PRDM16: variants seen among roughly 807,000 people sequenced by gnomAD.
The protein encoded by PRDM16 is PR/SET domain 16, also known as histone-lysine N-methyltransferase PRDM16.
In PRDM16, 23 loss-of-function variants were observed where a neutral mutation model predicts 110.6. The ratio of observed to expected loss-of-function variants is 0.21; its 90% CI spans 0.15 to 0.29. The LOEUF (loss-of-function observed/expected upper bound fraction) is 0.29. PRDM16 is among the 10% of genes least tolerant of loss of function. PRDM16 has a pLI of 1.00. For missense variants in PRDM16, 1,615 were observed against 1,794.3 expected, an observed-to-expected ratio of 0.90 and a Z score of 1.81; for synonymous variants, 799 against 781.8, an observed-to-expected ratio of 1.02 and a Z score of -0.37.
intron 1 of PRDM16, among the ~76,000 whole-genome samples, chr1:3,076,116 C>T (rs1033137818): frequency 9.8e-5 from 15 of 152,322 alleles, no homozygotes; most frequent in African/African-American, 1.7e-4. Context: ...ACCAGCCCCG[C>T]GCTCCTCTCA....
chr1:3,110,625 C>T (rs958395441), intron 1 of PRDM16, among the ~76,000 whole-genome samples: 8 of 152,224 alleles, frequency 5.3e-5, no homozygotes, highest in African/African-American at 1.9e-4. Flanking sequence ...TTGGACCTAA[C>T]GTGGGTGTTT....
chr1:3,112,572 A>G (rs1355953474), intron 1 of PRDM16, among the ~76,000 whole-genome samples: 2 of 152,022 alleles, frequency 1.3e-5, no homozygotes, highest in South Asian at 4.2e-4. Flanking sequence ...TGCTGCCCTG[A>G]CTCCAGCAGC....
intron 1 of PRDM16, among the ~76,000 whole-genome samples, chr1:3,151,026 C>G (rs929644891): frequency 6.6e-6 from 1 of 151,480 alleles, no homozygotes; most frequent in Admixed American, 6.6e-5. Context: ...GGGGCTGGTC[C>G]TAGAGCTATG....
At chr1:3,284,831 C>A (rs574890107) in intron 3 of PRDM16, among the ~76,000 whole-genome samples, 1 of 152,212 alleles carries the variant, frequency 6.6e-6, no homozygotes, top group African/African-American at 2.4e-5. Context: ...CAGGCCAGGG[C>A]AGAGCAGAGA....
chr1:3,183,337 C>T (rs561648979), intron 1 of PRDM16, among the ~76,000 whole-genome samples: 10 of 152,346 alleles, frequency 6.6e-5, no homozygotes, highest in East Asian at 1.9e-4. Context: ...CCGGTTGTTC[C>T]GGGGACCCCA....
chr1:3,180,921 TAC>T (rs1244646093), intron 1 of PRDM16, among the ~76,000 whole-genome samples: 5 of 146,840 alleles, frequency 3.4e-5, no homozygotes, highest in African/African-American at 1.0e-4. Flanking sequence ...CACGCAGCCT[TAC>T]ACACGCAGCC....
chr1:3,142,938 C>G (rs1339039763), intron 1 of PRDM16, among the ~76,000 whole-genome samples: 1 of 152,178 alleles, frequency 6.6e-6, no homozygotes, highest in Non-Finnish European at 1.5e-5. Flanking sequence ...GCCCCCTGGC[C>G]GGGGCACCCA....
rs1372064269 is a variant in PRDM16, at chr1:3,290,709, CGTG to C, written c.438+46573_438+46575del. On this transcript the variant is annotated intron_variant, in intron 3 of 16. Coordinates refer to ENST00000270722, the MANE Select transcript of PRDM16 (RefSeq NM_022114.4). The surrounding 1 kb of genome is among the most constrained non-coding windows in gnomAD (Gnocchi z 4.8). The stretch of plus-strand genomic sequence containing the variant: ...GGGAAACAACAGGGCTCCAGGGGGA[CGTG>C]CAGGGAGTGGAAGAAACTCAAGCCG... Among the ~76,000 whole-genome samples, 1 of 152,026 alleles carries C rather than the reference CGTG, an allele frequency of 6.6e-6. No homozygotes were observed. The highest frequency in any genetic ancestry group is 1.5e-5 in the Non-Finnish European group (1 of 68,014).
chr1:3,403,808 G>A (rs1432933467), intron 6 of PRDM16, among the ~76,000 whole-genome samples: 2 of 152,172 alleles, frequency 1.3e-5, no homozygotes, highest in African/African-American at 2.4e-5. Flanking sequence ...GGACAGCCTC[G>A]CAAAGTCAGA....
intron 8 of PRDM16, among the ~76,000 whole-genome samples, chr1:3,406,373 T>A (rs1643561993): frequency 6.6e-6 from 1 of 151,894 alleles, no homozygotes; most frequent in Non-Finnish European, 1.5e-5. Context: ...TGGAGGAGGC[T>A]CAGGAGGGAG....
intron 2 of PRDM16, among the ~76,000 whole-genome samples, chr1:3,240,955 G>C (rs970427937): frequency 1.3e-5 from 2 of 152,276 alleles, no homozygotes; most frequent in African/African-American, 4.8e-5. Context: ...CCGGGGTGCG[G>C]GGAGGTTGAG....
intron 2 of PRDM16, among the ~76,000 whole-genome samples, chr1:3,193,529 T>A (rs1246522999): frequency 6.6e-6 from 1 of 152,152 alleles, no homozygotes; most frequent in Non-Finnish European, 1.5e-5. Context: ...CCTGGAGCTG[T>A]CCACAGCCAT....
At chr1:3,328,447 G>A (rs1167827121) in intron 3 of PRDM16, among the ~76,000 whole-genome samples, 1 of 152,168 alleles carries the variant, frequency 6.6e-6, no homozygotes, top group Non-Finnish European at 1.5e-5. Flanking sequence ...AGGTCTAGCA[G>A]CATGCGCGGA....
At chr1:3,083,702 T>C (rs1205003885) in intron 1 of PRDM16, among the ~76,000 whole-genome samples, 1 of 152,042 alleles carries the variant, frequency 6.6e-6, no homozygotes, top group Non-Finnish European at 1.5e-5. Context: ...GTTGGGGGTG[T>C]TGTTTATCAG....
At chr1:3,318,289 C>A (rs1235523415) in intron 3 of PRDM16, among the ~76,000 whole-genome samples, 1 of 152,168 alleles carries the variant, frequency 6.6e-6, no homozygotes, top group Non-Finnish European at 1.5e-5. Flanking sequence ...CCTACAGCTC[C>A]CTCCAACTTG....
At chr1:3,125,905 A>T (rs1643195130) in intron 1 of PRDM16, among the ~76,000 whole-genome samples, 1 of 152,198 alleles carries the variant, frequency 6.6e-6, no homozygotes. Flanking sequence ...CGGGGCTGTT[A>T]CAGGCATAAT....
intron 2 of PRDM16, among the ~76,000 whole-genome samples, chr1:3,192,602 T>G (rs141096860): frequency 2.5e-4 from 38 of 152,234 alleles, no homozygotes; most frequent in African/African-American, 7.5e-4. Context: ...GGAGCTGGAC[T>G]TAGACCCCTC....
intron 1 of PRDM16, among the ~76,000 whole-genome samples, chr1:3,084,959 G>A (rs1440449213): frequency 6.6e-6 from 1 of 152,224 alleles, no homozygotes; most frequent in Non-Finnish European, 1.5e-5. Flanking sequence ...CCTGCGGCAG[G>A]TGTTGCAGGC....
intron 4 of PRDM16, among the ~76,000 whole-genome samples, chr1:3,387,915 G>T (rs138760804): frequency 1.0e-3 from 158 of 152,390 alleles, no homozygotes; most frequent in Admixed American, 2.4e-3. Context: ...GGATATAATA[G>T]ATTTCAATCT....
Sources: allele counts gnomAD v4.1 joint callset (sites outside exome capture counted in the v4.1 genomes callset), GRCh38; gene constraint gnomAD v4.1.1; non-coding constraint Gnocchi (gnomAD v3.1); transcripts MANE v1.5; gene names NCBI Gene and HGNC (gene_info 2026-07-23, HGNC 2026-07-21).